OPHN1: variants seen among roughly 807,000 people sequenced by gnomAD.
The protein encoded by OPHN1 is oligophrenin 1, also known as oligophrenin-1.
Under a neutral mutation model 60.7 loss-of-function variants are expected in OPHN1, and 11 were observed. The ratio of observed to expected loss-of-function variants is 0.18; its 90% CI spans 0.11 to 0.30. The LOEUF (loss-of-function observed/expected upper bound fraction) is 0.30, where lower values mean the gene tolerates loss of function less well. Ranked by LOEUF, OPHN1 falls within the 10% of genes least tolerant of loss-of-function variation. OPHN1 has a pLI of 1.00. For synonymous variants in OPHN1, 226 were observed against 222.6 expected (o/e 1.02, Z -0.14); for missense variants, 449 against 611.0 (o/e 0.73, Z 2.80).
At position 68,125,929 on chromosome X, in the gene OPHN1, C is replaced by CT. The variant is rs1333631299; in HGVS notation, c.1277-6598_1277-6597insA. On this transcript the variant is annotated intron_variant, in intron 15 of 24. Transcript: ENST00000355520. ...AAAGCTATTGGCCATAACCACTGATCAATATATATATATATATATATATAT... is the reference window on the plus strand; with the variant it reads ...AAAGCTATTGGCCATAACCACTGATCTAATATATATATATATATATATATAT... Among the ~76,000 whole-genome samples the CT allele has an allele frequency of 8.5e-3, 37 of 4,355 alleles. 1 individual carries two copies. In the East Asian group the frequency reaches 0.15, roughly 18 times the overall value. The allele number at this position is 4,355 out of a possible 115,157, so 3.8% of individuals were successfully genotyped here.
intron 8 of OPHN1, among the ~76,000 whole-genome samples, chrX:68,211,168 TAAC>T (rs981533157): frequency 1.9e-5 from 2 of 103,649 alleles, no homozygotes; most frequent in African/African-American, 7.0e-5. Flanking sequence ...GAAAAAATAA[TAAC>T]AACAACTGTA....
At chrX:68,373,586 G>A (rs2078540542) in intron 2 of OPHN1, among the ~76,000 whole-genome samples, 1 of 111,320 alleles carries the variant, frequency 9.0e-6, no homozygotes, top group Non-Finnish European at 1.9e-5. Flanking sequence ...CCCTACCTCA[G>A]CACTGGCCCA....
intron 2 of OPHN1, among the ~76,000 whole-genome samples, chrX:68,343,353 C>T (rs1485474472): frequency 9.2e-6 from 1 of 108,148 alleles, no homozygotes; most frequent in African/African-American, 3.4e-5. Context: ...GAGGCTGAGG[C>T]GGGCAGATCA....
chrX:68,416,051 TATATATATATATATATAGAGAG>T (rs1361447852), intron 2 of OPHN1, among the ~76,000 whole-genome samples: 286 of 24,350 alleles, frequency 0.012, no homozygotes, highest in African/African-American at 0.021. Flanking sequence ...TATATATATA[TATATATATATATATATAGAGAG>T]AGAGAGAGAG....
At chrX:68,128,325 G>A (rs779501568) in intron 15 of OPHN1, among the ~76,000 whole-genome samples, 14 of 111,408 alleles carry the variant, frequency 1.3e-4, no homozygotes, top group Non-Finnish European at 2.4e-4. Flanking sequence ...AAAGTGCTGG[G>A]AATACAAGCA....
chrX:68,433,553 C>G (rs1406793107), upstream of OPHN1: 1 of 289,404 alleles, frequency 3.5e-6, no homozygotes, highest in Admixed American at 6.2e-5. Context: ...TTAAAGCCAA[C>G]GCCTGCGCCC....
chrX:68,379,935 G>T (rs1445835667), intron 2 of OPHN1, among the ~76,000 whole-genome samples: 1 of 109,875 alleles, frequency 9.1e-6, no homozygotes, highest in Non-Finnish European at 1.9e-5. Flanking sequence ...GATGATGCTG[G>T]CCTCATAAAA....
chrX:68,060,099 A>C (rs2037579190), intron 21 of OPHN1, among the ~76,000 whole-genome samples: 1 of 111,685 alleles, frequency 9.0e-6, no homozygotes, highest in Non-Finnish European at 1.9e-5. Flanking sequence ...TACCCAAAGG[A>C]AAGTCCTAAA....
At chrX:68,323,973 A>G (rs1273939079) in intron 2 of OPHN1, among the ~76,000 whole-genome samples, 1 of 111,978 alleles carries the variant, frequency 8.9e-6, no homozygotes, top group African/African-American at 3.2e-5. Context: ...GATGACCACT[A>G]TCTATTAAAA....
chrX:68,257,362 T>G (rs965602545), intron 5 of OPHN1, among the ~76,000 whole-genome samples: 6 of 112,760 alleles, frequency 5.3e-5, no homozygotes, highest in Non-Finnish European at 1.1e-4. Flanking sequence ...TATACCACCC[T>G]GTTCAGGATA....
At chrX:68,099,465 G>A (rs910693361) in intron 18 of OPHN1, among the ~76,000 whole-genome samples, 1 of 111,377 alleles carries the variant, frequency 9.0e-6, no homozygotes, top group South Asian at 3.8e-4. Flanking sequence ...GTGAGAAGTG[G>A]CTGCCACATT....
At chrX:68,089,995 C>T (rs1202283580) in intron 19 of OPHN1, among the ~76,000 whole-genome samples, 1 of 112,047 alleles carries the variant, frequency 8.9e-6, no homozygotes, top group African/African-American at 3.2e-5. Context: ...AATATTCAAA[C>T]TTAAAGATAT....
At chrX:68,383,758 C>T (rs186033878) in intron 2 of OPHN1, among the ~76,000 whole-genome samples, 17 of 110,614 alleles carry the variant, frequency 1.5e-4, no homozygotes, top group African/African-American at 5.6e-4. Context: ...CTTGTTCTTT[C>T]AATTCTTTCT....
intron 3 of OPHN1, 117 bp from the exon 4 acceptor site, chrX:68,283,234 A>AG (rs1473506439): frequency 1.8e-6 from 1 of 550,171 alleles, no homozygotes; most frequent in African/African-American, 2.3e-5. Context: ...TGGCCACTAG[A>AG]GGAAGGTGTC....
chrX:68,328,943 G>A (rs2078281624), intron 2 of OPHN1, among the ~76,000 whole-genome samples: 1 of 112,164 alleles, frequency 8.9e-6, no homozygotes, highest in African/African-American at 3.2e-5. Flanking sequence ...TTGAGATGGA[G>A]TCTCGCTCTT....
At chrX:68,091,205 C>A (rs936346781) in intron 19 of OPHN1, among the ~76,000 whole-genome samples, 2 of 111,354 alleles carry the variant, frequency 1.8e-5, no homozygotes, top group Non-Finnish European at 3.8e-5. Context: ...CCATCATTCA[C>A]AGAGTTAGAA....
rs2078703520 is a variant in OPHN1 at position 68,399,714 on chromosome X, TCTG to T, written c.154+33150_154+33152del. Among the ~76,000 whole-genome samples the T allele has an allele frequency of 2.7e-5, 3 of 109,693 alleles. No homozygotes were observed. In the Admixed American group the frequency reaches 2.9e-4, roughly 11 times the overall value. On this transcript the variant is annotated intron_variant, in intron 2 of 24. Transcript: ENST00000355520. ...ATAAATAAATAAATAAATAAAACCC[TCTG>T]AGGGGTTCACGCTATATCTCCCTAG...
chrX:68,391,063 G>C (rs1183104756), intron 2 of OPHN1, among the ~76,000 whole-genome samples: 1 of 110,618 alleles, frequency 9.0e-6, no homozygotes, highest in Non-Finnish European at 1.9e-5. Context: ...CTCTCTATCT[G>C]ACCTTTCTTC....
intron 23 of OPHN1, 106 bp from the exon 24 acceptor site, chrX:68,048,563 G>T: frequency 3.1e-6 from 2 of 649,336 alleles, no homozygotes; most frequent in African/African-American, 2.2e-5. Flanking sequence ...GAGGCCATTT[G>T]AAAAATGGAG....
Sources: gnomAD v4.1 joint callset for allele counts (sites outside exome capture counted in the v4.1 genomes callset) on GRCh38, gnomAD v4.1.1 for gene constraint, MANE v1.5 for transcripts, NCBI Gene and HGNC (gene_info 2026-07-23, HGNC 2026-07-21) for gene names.